The following VPS50 variants were observed in gnomAD, a reference collection of about 807,000 sequenced individuals.
VPS50 encodes the protein syndetin.
Under a neutral mutation model 139.7 loss-of-function variants are expected in VPS50, and 70 were observed. That is an observed-to-expected ratio of 0.50 (90% CI 0.41 to 0.61). The LOEUF is 0.61. VPS50 is among the 20% of genes least tolerant of loss of function. The pLI is 0.00. For synonymous variants in VPS50, 365 were observed against 376.7 expected (o/e 0.97, Z 0.36); for missense variants, 921 against 1,133.7 (o/e 0.81, Z 2.69).
chr7:93,278,642 G>A (rs770933909), intron 12 of VPS50, among the ~76,000 whole-genome samples: 2 of 148,798 alleles, frequency 1.3e-5, no homozygotes, highest in Non-Finnish European at 3.0e-5. Flanking sequence ...TGAAGTAGTT[G>A]TGTATATATT....
chr7:93,254,623 T>C (rs557171811), intron 4 of VPS50, among the ~76,000 whole-genome samples: 16 of 152,326 alleles, frequency 1.1e-4, no homozygotes, highest in African/African-American at 3.8e-4. Flanking sequence ...AAAGTCTGAA[T>C]TGTAGTCACT....
chr7:93,322,335 C>G (rs546512849), intron 20 of VPS50, among the ~76,000 whole-genome samples: 147 of 152,182 alleles, frequency 9.7e-4, no homozygotes, highest in African/African-American at 3.0e-3. Context: ...CGCGGTGGCT[C>G]ACGCCTGTAA....
At chr7:93,274,701 A>G (rs551592458) in intron 11 of VPS50, among the ~76,000 whole-genome samples, 41 of 152,196 alleles carry the variant, frequency 2.7e-4, no homozygotes, top group Non-Finnish European at 5.1e-4. Context: ...CTTTCAAGTC[A>G]TACTACTTAA....
intron 12 of VPS50, among the ~76,000 whole-genome samples, chr7:93,289,342 T>A (rs1420780605): frequency 6.6e-6 from 1 of 152,122 alleles, no homozygotes; most frequent in Admixed American, 6.6e-5. Flanking sequence ...CATGTGCATT[T>A]TTTCTCATTT....
chr7:93,320,397 T>G (rs901151395), intron 20 of VPS50: 1 of 150,838 alleles, frequency 6.6e-6, no homozygotes. Flanking sequence ...CTCTGTTGCC[T>G]AGGCTGGAGT....
rs961242032 is a variant in VPS50, at chr7:93,360,824, G to A, written c.*2388G>A. ...TTTAAAAATGCTAGGGGGGCACATA[G>A]CAATTCAAATGAACTAGTTTGCTTT... is the stretch of plus-strand genomic sequence containing the variant. On this transcript the variant is annotated 3_prime_UTR_variant, in exon 28 of 28. Transcript: ENST00000305866. The A allele has an allele frequency of 2.5e-4, 38 of 152,078 alleles. No homozygotes were observed. Among genetic ancestry groups the A allele is most frequent in the African/African-American group, 8.0e-4 (33 of 41,508 alleles). The allele number at this position is 152,078 out of a possible 1,614,324, so 9.4% of individuals were successfully genotyped here.
intron 21 of VPS50, among the ~76,000 whole-genome samples, chr7:93,332,005 A>G (rs1797954957): frequency 6.6e-6 from 1 of 152,252 alleles, no homozygotes; most frequent in Non-Finnish European, 1.5e-5. Flanking sequence ...GTGCATGTTA[A>G]AAGCACATTG....
chr7:93,292,134 A>C, intron 13 of VPS50, among the ~76,000 whole-genome samples: 1 of 152,058 alleles, frequency 6.6e-6, no homozygotes, highest in East Asian at 1.9e-4. Flanking sequence ...TTAGTTGCAA[A>C]CTAGATAAGA....
chr7:93,324,859 C>G (rs1453529723), intron 21 of VPS50, among the ~76,000 whole-genome samples: 1 of 152,134 alleles, frequency 6.6e-6, no homozygotes, highest in Non-Finnish European at 1.5e-5. Context: ...GTGAAAATGG[C>G]CATACTTCCC....
intron 22 of VPS50, chr7:93,340,471 G>A (rs1232724414): frequency 1.3e-5 from 2 of 152,262 alleles, no homozygotes; most frequent in African/African-American, 2.4e-5. Context: ...GAGTTGAAAT[G>A]TGTTTTTGTT....
chr7:93,312,588 T>C (rs1361316775), intron 20 of VPS50, among the ~76,000 whole-genome samples: 1 of 152,194 alleles, frequency 6.6e-6, no homozygotes, highest in African/African-American at 2.4e-5. Flanking sequence ...CTAAGAGTTA[T>C]GCCCTTAGAA....
chr7:93,343,646 T>C (rs1282476779), intron 23 of VPS50, among the ~76,000 whole-genome samples: 2 of 152,294 alleles, frequency 1.3e-5, no homozygotes, highest in South Asian at 2.1e-4. Context: ...CGGCAGAAAC[T>C]CTACAAGCCA....
intron 10 of VPS50, 43 bp from the exon 11 acceptor site, chr7:93,272,592 A>T (rs192715150): frequency 4.8e-6 from 4 of 832,788 alleles, no homozygotes; most frequent in Non-Finnish European, 5.7e-6. Context: ...CCTTGAAAAC[A>T]TAATTCCTTA....
At chr7:93,341,838 T>A (rs759412810) in intron 23 of VPS50, among the ~76,000 whole-genome samples, 6 of 152,210 alleles carry the variant, frequency 3.9e-5, no homozygotes, top group African/African-American at 7.2e-5. Context: ...AAGTACAACT[T>A]TAAAAAGCAT....
At chr7:93,257,775 T>A (rs1237586006) in intron 6 of VPS50, 4 of 247,174 alleles carry the variant, frequency 1.6e-5, no homozygotes, top group South Asian at 2.7e-4. Context: ...TGTGATTTTT[T>A]AAAAATGCAG....
chr7:93,343,233 G>C (rs890715641), intron 23 of VPS50, among the ~76,000 whole-genome samples: 6 of 152,302 alleles, frequency 3.9e-5, no homozygotes, highest in South Asian at 4.1e-4. Context: ...AAGGGTATCA[G>C]CGATGGAAGA....
chr7:93,322,277 A>T (rs1398363614), intron 20 of VPS50, among the ~76,000 whole-genome samples: 1 of 152,150 alleles, frequency 6.6e-6, no homozygotes, highest in Admixed American at 6.5e-5. Flanking sequence ...TACTGCAGTA[A>T]ATGTGTTTTG....
At chr7:93,248,836 C>T (rs1795231333) in intron 2 of VPS50, among the ~76,000 whole-genome samples, 1 of 152,064 alleles carries the variant, frequency 6.6e-6, no homozygotes, top group Admixed American at 6.6e-5. Context: ...CTAAAAAGAA[C>T]ACGGTGATCG....
chr7:93,325,137 C>G (rs535776359), intron 21 of VPS50, among the ~76,000 whole-genome samples: 2,537 of 152,174 alleles, frequency 0.017, 87 homozygotes, highest in African/African-American at 0.058. Flanking sequence ...ACAGAAAAAA[C>G]GCCGCATATC....
Sources: gnomAD v4.1 joint callset for allele counts (sites outside exome capture counted in the v4.1 genomes callset) on GRCh38, gnomAD v4.1.1 for gene constraint, MANE v1.5 for transcripts, NCBI Gene and HGNC (gene_info 2026-07-23, HGNC 2026-07-21) for gene names.